Variants in FAM151B observed in about 807,000 individuals in gnomAD.
The protein encoded by FAM151B is family with sequence similarity 151 member B, also known as protein FAM151B.
Under a neutral mutation model 31.2 loss-of-function variants are expected in FAM151B, and 24 were observed. The ratio of observed to expected loss-of-function variants is 0.77; its 90% CI spans 0.56 to 1.08. The LOEUF (loss-of-function observed/expected upper bound fraction) is 1.08. Ranked by LOEUF, FAM151B falls within the 50% of genes least tolerant of loss-of-function variation. The pLI, the probability that FAM151B is intolerant of heterozygous loss-of-function variation, is 0.00. For synonymous variants in FAM151B, 105 were observed against 111.4 expected (o/e 0.94, Z 0.36); for missense variants, 293 against 328.6 (o/e 0.89, Z 0.84).
At chr5:80,492,219 G>T (rs1743359247) in intron 1 of FAM151B, among the ~76,000 whole-genome samples, 1 of 151,096 alleles carries the variant, frequency 6.6e-6, no homozygotes, top group Admixed American at 6.6e-5. Flanking sequence ...ACCTTGTATT[G>T]AGCAAGTCTG....
chr5:80,526,957 T>G (rs959467442), intron 5 of FAM151B, among the ~76,000 whole-genome samples: 1 of 152,190 alleles, frequency 6.6e-6, no homozygotes, highest in African/African-American at 2.4e-5. Context: ...ATTATCTAGC[T>G]GAAATTTCAA....
rs567244821 is a variant in FAM151B, at chr5:80,513,379, A to T, written c.152-225A>T. Among the ~76,000 whole-genome samples the T allele has an allele frequency of 5.9e-4, 90 of 152,346 alleles. No homozygotes were observed. The South Asian group carries it at 8.7e-3, about 15-fold the overall frequency. On this transcript the variant is annotated intron_variant, in intron 2 of 5. Transcript: ENST00000282226. ...TATGTCAACAGCTTAAGATCTGTGT[A>T]ACTTAGGGAAAGTCATTTAACTTCT...
At chr5:80,522,362 GT>G (rs1744759758) in intron 5 of FAM151B, 6 of 399,134 alleles carry the variant, frequency 1.5e-5, no homozygotes, top group East Asian at 3.6e-5. Flanking sequence ...CCTCACAAAA[GT>G]TTTTGTACAT....
chr5:80,491,136 TATC>T (rs1743317938), intron 1 of FAM151B, among the ~76,000 whole-genome samples: 1 of 152,160 alleles, frequency 6.6e-6, no homozygotes, highest in African/African-American at 2.4e-5. Flanking sequence ...CTCACATACT[TATC>T]ATTTCTTTGT....
chr5:80,531,243 G>A (rs965906379), intron 5 of FAM151B, among the ~76,000 whole-genome samples: 2 of 152,222 alleles, frequency 1.3e-5, no homozygotes, highest in African/African-American at 2.4e-5. Flanking sequence ...AATTCAAAAT[G>A]GATTAAAGAC....
intron 5 of FAM151B, 123 bp from the exon 6 acceptor site, chr5:80,541,550 G>T: frequency 1.2e-6 from 1 of 853,906 alleles, no homozygotes; most frequent in Non-Finnish European, 1.9e-6. Flanking sequence ...CACCATTGCT[G>T]ATTAATTTTT....
At chr5:80,516,053 A>G (rs1744433138) in intron 3 of FAM151B, among the ~76,000 whole-genome samples, 1 of 152,194 alleles carries the variant, frequency 6.6e-6, no homozygotes, top group Non-Finnish European at 1.5e-5. Context: ...GGCTGGGCGC[A>G]GTGGCTCATG....
At chr5:80,526,718 A>G (rs1051504662) in intron 5 of FAM151B, among the ~76,000 whole-genome samples, 1 of 152,132 alleles carries the variant, frequency 6.6e-6, no homozygotes, top group African/African-American at 2.4e-5. Flanking sequence ...CAACTTTTAT[A>G]TCTCTAATTT....
In FAM151B at chr5:80,541,827, C is replaced by G. The variant is rs1045731894; in HGVS notation, c.826C>G (p.Leu276Val). The change falls in exon 6 of 6, where the codon CTC (leucine) becomes GTC (valine). Residue 276 changes from leucine to valine, a missense_variant. Physicochemically the swap from Leu to Val is conservative, Grantham distance 32. Coordinates refer to ENST00000282226, the MANE Select transcript of FAM151B (RefSeq NM_205548.3). ...ACAAGCCATTGGAATCAAAGTTAAT[C>G]TCTAAGAAGAAGATTCTCAATTATT... ...FKQAIGIKVN[L>V] The G allele has an allele frequency of 3.7e-6, 6 of 1,611,280 alleles. No homozygotes were observed. The highest frequency in any genetic ancestry group is 2.2e-5 in the East Asian group (1 of 44,722).
At chr5:80,506,605 A>G (rs775412461) in intron 2 of FAM151B, among the ~76,000 whole-genome samples, 2 of 152,088 alleles carry the variant, frequency 1.3e-5, no homozygotes, top group Non-Finnish European at 2.9e-5. Context: ...TGTCTATTTT[A>G]TTTTCCACCC....
chr5:80,519,251 G>A (rs1428283743), intron 3 of FAM151B, among the ~76,000 whole-genome samples: 1 of 152,168 alleles, frequency 6.6e-6, no homozygotes, highest in Non-Finnish European at 1.5e-5. Flanking sequence ...CCAGGGTCAT[G>A]AGCCTGAATT....
Position 80,519,870 on chromosome 5 carries a change from G to T in FAM151B, c.495G>T (p.Leu165=). Residue 165 remains leucine (L), a synonymous_variant, in exon 4 of 6, where the codon CTG becomes CTT. Coordinates refer to ENST00000282226, the MANE Select transcript of FAM151B (RefSeq NM_205548.3). ...ISFFPDVTFS[L]GWTTGWHPEK... is the part of the protein sequence containing the mutation. ...TCTTTCCAGACGTGACGTTTTCCCT[G>T]GGTTGGACAACAGGATGGCATCCTG... 1 of 1,614,084 alleles carries T rather than the reference G, an allele frequency of 6.2e-7. No individual in the cohort carries two copies. The highest frequency in any genetic ancestry group is 8.5e-7 in the Non-Finnish European group (1 of 1,179,998).
rs546861112 is a variant in FAM151B at position 80,540,193 on chromosome 5, G to A, written c.672-1480G>A. ...AGAACATGCATTGAATTTAGTTATCGTATCTCCTCAGCCTCCTTCACTCTG... is the reference window on the plus strand; with the variant it reads ...AGAACATGCATTGAATTTAGTTATCATATCTCCTCAGCCTCCTTCACTCTG... On this transcript the variant is annotated intron_variant, in intron 5 of 5. Coordinates refer to ENST00000282226, the MANE Select transcript of FAM151B (RefSeq NM_205548.3). Among the ~76,000 whole-genome samples, 38 of 151,980 alleles carry A rather than the reference G, an allele frequency of 2.5e-4. 1 individual carries two copies. The highest frequency in any genetic ancestry group is 4.3e-4 in the Non-Finnish European group (29 of 68,010).
chr5:80,510,239 CCCAG>C (rs1205682811), intron 2 of FAM151B, among the ~76,000 whole-genome samples: 1 of 152,094 alleles, frequency 6.6e-6, no homozygotes, highest in Admixed American at 6.5e-5. Flanking sequence ...CAGCTGGGTG[CCCAG>C]CTGGGCCTGG....
chr5:80,538,518 TTCCTTCC>T (rs1383068817), intron 5 of FAM151B, among the ~76,000 whole-genome samples: 1 of 36,388 alleles, frequency 2.7e-5, no homozygotes, highest in Non-Finnish European at 4.9e-5. Context: ...CTTTCTTTCC[TTCCTTCC>T]TTCCTTCCTT....
At chr5:80,489,378 A>AT (rs1743230586) in intron 1 of FAM151B, among the ~76,000 whole-genome samples, 1 of 152,044 alleles carries the variant, frequency 6.6e-6, no homozygotes, top group South Asian at 2.1e-4. Context: ...TCCGTAGAAC[A>AT]TTTTTTCAGA....
intron 1 of FAM151B, among the ~76,000 whole-genome samples, chr5:80,488,681 A>G (rs1743205341): frequency 6.6e-6 from 1 of 152,216 alleles, no homozygotes; most frequent in Admixed American, 6.5e-5. Context: ...TCTTTTCTGT[A>G]AACTTAAGTA....
rs143263250 is a variant in FAM151B at position 80,490,698 on chromosome 5, A to G, written c.25+2550A>G. ...CTCTTATGTCTAGCTTCTTCCACTT[A>G]TCATAGTGTTTTCAAGATTCATCCA... On this transcript the variant is annotated intron_variant, in intron 1 of 5. Transcript: ENST00000282226. Among the ~76,000 whole-genome samples, 711 of 152,358 alleles carry G rather than the reference A, an allele frequency of 4.7e-3. 4 individuals are homozygous for G. Among genetic ancestry groups the G allele is most frequent in the African/African-American group, 0.016 (654 of 41,580 alleles).
intron 2 of FAM151B, among the ~76,000 whole-genome samples, chr5:80,509,175 C>T (rs575653335): frequency 6.6e-6 from 1 of 151,710 alleles, no homozygotes; most frequent in South Asian, 2.1e-4. Flanking sequence ...GATGAGGTCT[C>T]GCTATGTTGC....
Sources: gnomAD v4.1 joint callset for allele counts (sites outside exome capture counted in the v4.1 genomes callset) on GRCh38, gnomAD v4.1.1 for gene constraint, MANE v1.5 for transcripts, NCBI Gene and HGNC (gene_info 2026-07-23, HGNC 2026-07-21) for gene names.